Variants in PRRT1B observed in about 807,000 individuals in gnomAD.
PRRT1B encodes the protein dispanin subfamily D member 2.
rs59066021 is a variant in PRRT1B, at chr9:131,551,814, G to GC, written c.26-2740dup. ...TTACCTACGCAAATCCTATAAGACG[G>GC]CCCACCCCATCTCCCTTCGCTGACT... On this transcript the variant is annotated intron_variant, in intron 1 of 3. Coordinates refer to ENST00000636672, the Ensembl canonical transcript of PRRT1B. The surrounding 1 kb of genome is among the most constrained non-coding windows in gnomAD (Gnocchi z 4.4). 0.47 allele frequency among the ~76,000 whole-genome samples: 70,626 copies of GC among 151,322 alleles called. 16,661 individuals carry two copies. Among genetic ancestry groups the GC allele is most frequent in the African/African-American group, 0.5 (20,427 of 41,150 alleles).
chr9:131,555,910 A>C (rs2132012499), intron 2 of PRRT1B, among the ~76,000 whole-genome samples, 160 bp from the exon 3 acceptor site: 1 of 152,172 alleles, frequency 6.6e-6, no homozygotes, highest in East Asian at 1.9e-4. Flanking sequence ...GAGAGGGCAG[A>C]GGGGCACCCT....
At chr9:131,550,274 T>G (rs571047493) in intron 1 of PRRT1B, among the ~76,000 whole-genome samples, 84 of 152,266 alleles carry the variant, frequency 5.5e-4, no homozygotes, top group African/African-American at 1.9e-3. Context: ...TACTCTCCTA[T>G]CCTCAATACC....
chr9:131,554,046 ACCT>A (rs1459554725), intron 1 of PRRT1B, among the ~76,000 whole-genome samples: 3 of 151,706 alleles, frequency 2.0e-5, no homozygotes, highest in Admixed American at 1.3e-4. Context: ...GCCCTTAGTG[ACCT>A]CCTGGCTCCA....
chr9:131,554,250 C>T (rs939801040), intron 1 of PRRT1B, among the ~76,000 whole-genome samples: 1 of 150,894 alleles, frequency 6.6e-6, no homozygotes, highest in African/African-American at 2.4e-5. Context: ...TTAGCTTTGA[C>T]ATAAAGGCCT....
chr9:131,548,767 C>T (rs1179241198), intron 1 of PRRT1B, among the ~76,000 whole-genome samples: 1 of 152,192 alleles, frequency 6.6e-6, no homozygotes, highest in Non-Finnish European at 1.5e-5. Context: ...AATTCTTCCT[C>T]AGCCTCCATT....
chr9:131,546,518 G>A lies in PRRT1B; in HGVS notation c.25+878G>A, dbSNP rs114406086. 5.3e-5 allele frequency among the ~76,000 whole-genome samples: 8 copies of A among 150,988 alleles called. No individual in the cohort carries two copies. In the East Asian group the frequency reaches 1.6e-3, roughly 30 times the overall value. ...CCCTGCAGAGTCTCGCGCACTCCCC[G>A]CCCCCTCATCCCCCAGCGCGACTGA... On this transcript the variant is annotated intron_variant, in intron 1 of 3. Coordinates refer to ENST00000636672, the Ensembl canonical transcript of PRRT1B.
chr9:131,552,109 A>G (rs1234071996), intron 1 of PRRT1B, among the ~76,000 whole-genome samples: 1 of 152,220 alleles, frequency 6.6e-6, no homozygotes, highest in Non-Finnish European at 1.5e-5. Context: ...GCCTCTCTAA[A>G]AATGATTATT....
intron 1 of PRRT1B, among the ~76,000 whole-genome samples, chr9:131,546,237 C>A (rs906216705): frequency 6.6e-6 from 1 of 152,148 alleles, no homozygotes; most frequent in Non-Finnish European, 1.5e-5. Context: ...CAGTAGGGAG[C>A]ACGACCTGGG....
At chr9:131,545,814 G>C (rs1172166887) in intron 1 of PRRT1B, among the ~76,000 whole-genome samples, 174 bp downstream of exon 1, 1 of 149,306 alleles carries the variant, frequency 6.7e-6, no homozygotes, top group South Asian at 2.1e-4. Flanking sequence ...CCAGAGGGTC[G>C]GCTGCTGGAG....
chr9:131,554,539 G>T lies in PRRT1B; in HGVS notation c.26-18G>T, dbSNP rs964592983. On this transcript the variant is annotated intron_variant, in intron 1 of 3. Transcript: ENST00000636672. ...GCCCGGCGGCCTCTTGCTCACGACC[G>T]CTGCCATTTCTTTCTAGGGTCCGAC... is the stretch of plus-strand genomic sequence containing the variant. The T allele has an allele frequency of 6.4e-5, 25 of 393,216 alleles. No homozygotes were observed. The highest frequency in any genetic ancestry group is 1.1e-4 in the Non-Finnish European group (24 of 222,492). 24.4% of individuals were successfully genotyped at this position (393,216 alleles called of 1,614,324 possible).
At chr9:131,545,630 T>TGGAGGGGCAGGTGCC (rs1257458755) in exon 1 of PRRT1B, 4 of 398,916 alleles carry the variant, frequency 1.0e-5, no homozygotes, top group Non-Finnish European at 1.3e-5. Flanking sequence ...AGGCAGGAGC[T>TGGAGGGGCAGGTGCC]GGAGGGGCAG....
downstream of PRRT1B, among the ~76,000 whole-genome samples, chr9:131,559,506 A>G (rs571471929): frequency 1.1e-4 from 16 of 152,348 alleles, 1 homozygote; most frequent in South Asian, 2.9e-3. Flanking sequence ...CAATATTGAT[A>G]GCTCAAGCTA....
At chr9:131,545,759 AGGTG>A (rs1220943437) in intron 1 of PRRT1B, 119 bp downstream of exon 1, 3 of 326,340 alleles carry the variant, frequency 9.2e-6, no homozygotes, top group Non-Finnish European at 1.6e-5. Flanking sequence ...CTGGCGGGGC[AGGTG>A]CTGGCGGAGC....
intron 1 of PRRT1B, among the ~76,000 whole-genome samples, chr9:131,548,093 A>G (rs557408737): frequency 6.6e-6 from 1 of 152,136 alleles, no homozygotes; most frequent in African/African-American, 2.4e-5. Flanking sequence ...TGGCAAGTCA[A>G]TTGCGGGGAT....
chr9:131,545,583 G>C, exon 1 of PRRT1B: 8 of 397,914 alleles, frequency 2.0e-5, no homozygotes, highest in Non-Finnish European at 3.5e-5. Context: ...CCAGGGAGCC[G>C]CGCAGCCCTT....
chr9:131,558,438 G>A, exon 4 of PRRT1B: 1 of 370,078 alleles, frequency 2.7e-6, no homozygotes, highest in Non-Finnish European at 4.8e-6. Flanking sequence ...AATCCAAGGT[G>A]TCTCCAGAGC....
chr9:131,548,370 C>T (rs778628952), intron 1 of PRRT1B, among the ~76,000 whole-genome samples: 15 of 152,164 alleles, frequency 9.9e-5, no homozygotes, highest in Non-Finnish European at 1.5e-5. Flanking sequence ...AACTTAAAAC[C>T]TCTTTAACTC....
At chr9:131,556,151 G>C in exon 3 of PRRT1B, 2 of 401,182 alleles carry the variant, frequency 5.0e-6, no homozygotes, top group Non-Finnish European at 8.8e-6. Flanking sequence ...GATGGAGTCA[G>C]TGCTGGTGAC....
At chr9:131,547,653 C>T (rs1224127862) in intron 1 of PRRT1B, among the ~76,000 whole-genome samples, 1 of 152,194 alleles carries the variant, frequency 6.6e-6, no homozygotes, top group African/African-American at 2.4e-5. Flanking sequence ...CGGGGGACCT[C>T]CCTTGGGAGA....
Sources: allele counts gnomAD v4.1 joint callset (sites outside exome capture counted in the v4.1 genomes callset), GRCh38; gene constraint gnomAD v4.1.1; non-coding constraint Gnocchi (gnomAD v3.1); transcripts MANE v1.5; gene names NCBI Gene and HGNC (gene_info 2026-07-23, HGNC 2026-07-21).